The following PPIL6 variants were observed in gnomAD, a reference collection of about 807,000 sequenced individuals.
PPIL6 encodes peptidylprolyl isomerase like 6.
In PPIL6, 39 loss-of-function variants were observed where a neutral mutation model predicts 36.8. The observed-to-expected ratio is 1.06, with a 90% CI of 0.82 to 1.38. PPIL6 has a LOEUF of 1.38. Among genes scored for constraint, PPIL6 ranks in the 40% most tolerant of loss-of-function variants. The pLI, the probability that PPIL6 is intolerant of heterozygous loss-of-function variation, is 0.00. For missense variants in PPIL6, 368 were observed against 379.1 expected, an observed-to-expected ratio of 0.97 and a Z score of 0.24; for synonymous variants, 123 against 134.1, an observed-to-expected ratio of 0.92 and a Z score of 0.57.
At position 109,391,873 on chromosome 6, in the gene PPIL6, A is replaced by C. The variant is rs1325311406; in HGVS notation, c.*953T>G. Reference sequence around the variant, plus strand: ...TCTGAATGCTGGTATAAACAATGAAATATTACAATGAATTGCTTTTTCTTC... The same window carrying C: ...TCTGAATGCTGGTATAAACAATGAACTATTACAATGAATTGCTTTTTCTTC... On this transcript the variant is annotated 3_prime_UTR_variant, in exon 8 of 8. Coordinates refer to ENST00000521072, the MANE Select transcript of PPIL6 (RefSeq NM_173672.5). The C allele has an allele frequency of 6.6e-6, 1 of 152,210 alleles. No homozygotes were observed. The highest frequency in any genetic ancestry group is 1.5e-5 in the Non-Finnish European group (1 of 68,038). The allele number at this position is 152,210 out of a possible 1,614,324, so 9.4% of individuals were successfully genotyped here.
intron 7 of PPIL6, among the ~76,000 whole-genome samples, chr6:109,395,122 G>C (rs1772242057): frequency 6.6e-6 from 1 of 152,010 alleles, no homozygotes; most frequent in Non-Finnish European, 1.5e-5. Context: ...CTTAATTATA[G>C]GCTGGGAGTT....
At chr6:109,432,638 G>GT (rs1479744144) in intron 2 of PPIL6, among the ~76,000 whole-genome samples, 1 of 152,002 alleles carries the variant, frequency 6.6e-6, no homozygotes, top group Admixed American at 6.5e-5. Flanking sequence ...TTATTTATTT[G>GT]TTTTTTGGAG....
At chr6:109,440,120 GA>G (rs1002211252) in intron 1 of PPIL6, 19 of 353,566 alleles carry the variant, frequency 5.4e-5, no homozygotes, top group Non-Finnish European at 9.8e-5. Flanking sequence ...TCTAATTAAA[GA>G]AAAAATTGAC....
At position 109,392,945 on chromosome 6, in the gene PPIL6, G is replaced by A. The variant is rs895503713; in HGVS notation, c.825-8C>T. The stretch of plus-strand genomic sequence containing the variant: ...GTTCCTTCAATCAGTTGCCTACATA[G>A]GAGAAAAAAATGGAAAATTTAGTCA... On this transcript the variant is annotated splice_polypyrimidine_tract_variant and splice_region_variant and intron_variant, in intron 7 of 7. Coordinates refer to ENST00000521072, the MANE Select transcript of PPIL6 (RefSeq NM_173672.5). 2 of 1,555,510 alleles carry A rather than the reference G, an allele frequency of 1.3e-6. No individual in the cohort carries two copies. Among genetic ancestry groups the A allele is most frequent in the East Asian group, 4.5e-5 (2 of 44,358 alleles).
intron 6 of PPIL6, among the ~76,000 whole-genome samples, chr6:109,417,009 C>G (rs1006930546): frequency 1.3e-5 from 2 of 151,002 alleles, no homozygotes; most frequent in Admixed American, 6.6e-5. Context: ...CTCTACAAAT[C>G]TTTTTTTTAA....
intron 6 of PPIL6, among the ~76,000 whole-genome samples, chr6:109,415,719 G>A (rs1773219348): frequency 1.3e-5 from 2 of 152,112 alleles, no homozygotes; most frequent in South Asian, 4.1e-4. Flanking sequence ...CTTTCATGAC[G>A]TTCTTTCTAT....
chr6:109,411,880 A>C (rs1194973851), intron 6 of PPIL6, among the ~76,000 whole-genome samples: 2 of 152,212 alleles, frequency 1.3e-5, no homozygotes, highest in Non-Finnish European at 2.9e-5. Context: ...GTTACAGAAG[A>C]CTGGCCTTCA....
intron 3 of PPIL6, 56 bp downstream of exon 3, chr6:109,431,101 T>C: frequency 1.6e-6 from 2 of 1,214,110 alleles, no homozygotes; most frequent in South Asian, 2.9e-5. Context: ...TAATGCTGAA[T>C]CAATATAAAG....
rs746424460 is a variant in PPIL6, at chr6:109,431,243, C to G, written c.334G>C (p.Val112Leu). 9 of 1,612,274 alleles carry G rather than the reference C, an allele frequency of 5.6e-6. No individual in the cohort carries two copies. The highest frequency in any genetic ancestry group is 6.8e-6 in the Non-Finnish European group (8 of 1,178,504). The part of the protein sequence containing the change: ...ALDLQKWAHE[V>L]WDIVDIKPSA... ...GGTTTAATGTCAACTATATCCCACACCTCGTGGGCCCATTTCTGCAGATCC... is the reference window on the plus strand; with the variant it reads ...GGTTTAATGTCAACTATATCCCACAGCTCGTGGGCCCATTTCTGCAGATCC... Residue 112 changes from valine (V) to leucine (L), a missense_variant, in exon 3 of 8, where the codon GTG becomes CTG. Transcript: ENST00000521072.
chr6:109,408,926 A>T (rs1240652213), intron 6 of PPIL6, among the ~76,000 whole-genome samples: 1 of 152,198 alleles, frequency 6.6e-6, no homozygotes, highest in East Asian at 1.9e-4. Flanking sequence ...TAAAAAGAAA[A>T]CTACAGGCCA....
chr6:109,414,690 C>T (rs1231454168), intron 6 of PPIL6, among the ~76,000 whole-genome samples: 1 of 151,482 alleles, frequency 6.6e-6, no homozygotes, highest in East Asian at 1.9e-4. Flanking sequence ...TGCCATGTTG[C>T]CCAGGCTTCT....
At chr6:109,409,651 A>G (rs1772938007) in intron 6 of PPIL6, among the ~76,000 whole-genome samples, 1 of 151,708 alleles carries the variant, frequency 6.6e-6, no homozygotes, top group Non-Finnish European at 1.5e-5. Flanking sequence ...ACTCCACACA[A>G]AAGTCTATTA....
chr6:109,424,257 AG>A (rs1773699813), intron 5 of PPIL6, among the ~76,000 whole-genome samples: 1 of 152,192 alleles, frequency 6.6e-6, no homozygotes, highest in African/African-American at 2.4e-5. Context: ...CTGCAGGAAC[AG>A]GCTGGGCGGT....
chr6:109,420,998 C>A (rs1218685983), intron 5 of PPIL6, among the ~76,000 whole-genome samples: 1 of 152,168 alleles, frequency 6.6e-6, no homozygotes, highest in African/African-American at 2.4e-5. Context: ...TGGCTGAAGG[C>A]TGAATCTGGA....
In PPIL6 at chr6:109,431,286, C is replaced by T; in HGVS notation, c.291G>A (p.Gln97=). 1 of 1,611,434 alleles carries T rather than the reference C, an allele frequency of 6.2e-7. No homozygotes were observed. The highest frequency in any genetic ancestry group is 8.5e-7 in the Non-Finnish European group (1 of 1,179,312). ...GCAGATCCAATGCATCACCCAGAAA[C>T]TGACCATTAACAAAAGAAATCACAG... The part of the protein sequence containing the change: ...SSSVISFVNG[Q]FLGDALDLQK... Residue 97 remains glutamine, a synonymous_variant, in exon 3 of 8, where the codon CAG becomes CAA. Transcript: ENST00000521072.
intron 3 of PPIL6, among the ~76,000 whole-genome samples, chr6:109,429,562 G>A (rs906494966): frequency 3.3e-5 from 5 of 152,290 alleles, no homozygotes; most frequent in Non-Finnish European, 5.9e-5. Flanking sequence ...CATGCTGAGA[G>A]CACCAGGTTT....
At chr6:109,426,730 T>A (rs1773830585) in intron 5 of PPIL6, 117 bp downstream of exon 5, 1 of 666,282 alleles carries the variant, frequency 1.5e-6, no homozygotes, top group Non-Finnish European at 2.3e-6. Context: ...AAGCATTCTT[T>A]AAATACGTCT....
chr6:109,393,221 A>AT (rs35022203), intron 7 of PPIL6, among the ~76,000 whole-genome samples: 18,518 of 143,384 alleles, frequency 0.13, 3,265 homozygotes, highest in African/African-American at 0.4. Flanking sequence ...AGTCAGGGTG[A>AT]TTTTTTTTTT....
chr6:109,423,311 G>A (rs1773645968), intron 5 of PPIL6, among the ~76,000 whole-genome samples: 1 of 152,118 alleles, frequency 6.6e-6, no homozygotes, highest in African/African-American at 2.4e-5. Context: ...AGGTTGCAGT[G>A]AGCTGAGATG....
Sources: allele counts gnomAD v4.1 joint callset (sites outside exome capture counted in the v4.1 genomes callset), GRCh38; gene constraint gnomAD v4.1.1; transcripts MANE v1.5; gene names NCBI Gene and HGNC (gene_info 2026-07-23, HGNC 2026-07-21).